The following LRRC4C variants were observed in gnomAD, a reference collection of about 807,000 sequenced individuals.
The protein encoded by LRRC4C is leucine-rich repeat-containing protein 4C.
LRRC4C carries 5 observed loss-of-function variants against 33.6 expected under a neutral mutation model. The observed-to-expected ratio is 0.15, with a 90% CI of 0.08 to 0.31. The LOEUF is 0.31. LRRC4C is among the 10% of genes least tolerant of loss of function. The pLI is 1.00. For synonymous variants in LRRC4C, 329 were observed against 302.0 expected (o/e 1.09, Z -0.93); for missense variants, 560 against 796.7 (o/e 0.70, Z 3.58).
At chr11:40,889,272 C>T (rs972580318) in intron 2 of LRRC4C, among the ~76,000 whole-genome samples, 6 of 152,020 alleles carry the variant, frequency 3.9e-5, no homozygotes, top group African/African-American at 1.4e-4. Context: ...GAAAGATGCT[C>T]ATAATATACT....
At chr11:41,314,725 G>A (rs963157140) in intron 1 of LRRC4C, among the ~76,000 whole-genome samples, 14 of 151,754 alleles carry the variant, frequency 9.2e-5, no homozygotes, top group African/African-American at 3.4e-4. Flanking sequence ...TGCAGCAAAC[G>A]AACAGGGCAC....
At chr11:40,740,139 C>A (rs1228938252) in intron 2 of LRRC4C, among the ~76,000 whole-genome samples, 1 of 151,802 alleles carries the variant, frequency 6.6e-6, no homozygotes, top group African/African-American at 2.4e-5. Context: ...GCATATATTT[C>A]TTCAACATAC....
At chr11:41,383,633 G>T (rs961674646) in intron 1 of LRRC4C, among the ~76,000 whole-genome samples, 1 of 151,536 alleles carries the variant, frequency 6.6e-6, no homozygotes, top group East Asian at 1.9e-4. Flanking sequence ...TAATCAAAAA[G>T]AAAATATATT....
At chr11:40,203,880 T>C (rs1862948528) in intron 5 of LRRC4C, among the ~76,000 whole-genome samples, 1 of 152,214 alleles carries the variant, frequency 6.6e-6, no homozygotes, top group Non-Finnish European at 1.5e-5. Flanking sequence ...TTAGCTAAAG[T>C]GCAGACACAG....
chr11:41,443,188 G>T (rs1204899158), intron 1 of LRRC4C, among the ~76,000 whole-genome samples: 1 of 149,284 alleles, frequency 6.7e-6, no homozygotes, highest in Non-Finnish European at 1.5e-5. Context: ...ATTAACGAAG[G>T]CTTAGAAGAA....
intron 5 of LRRC4C, among the ~76,000 whole-genome samples, chr11:40,179,451 G>A (rs183970054): frequency 4.9e-4 from 74 of 152,218 alleles, no homozygotes; most frequent in African/African-American, 1.2e-3. Flanking sequence ...GTCCACCACC[G>A]GAGGCCACAG....
intron 5 of LRRC4C, among the ~76,000 whole-genome samples, chr11:40,227,971 T>A (rs1340396362): frequency 6.6e-6 from 1 of 152,188 alleles, no homozygotes; most frequent in African/African-American, 2.4e-5. Context: ...TGACAGTTTA[T>A]GATTGCTGGT....
At position 41,459,425 on chromosome 11, in the gene LRRC4C, A is replaced by T. The variant is rs1956268528; in HGVS notation, c.-496+6T>A. 6.6e-6 allele frequency: 1 copy of T among 152,170 alleles called. No individual in the cohort carries two copies. The highest frequency in any genetic ancestry group is 6.5e-5 in the Admixed American group (1 of 15,268). The allele number at this position is 152,170 out of a possible 1,614,324, so 9.4% of individuals were successfully genotyped here. A position where few individuals can be genotyped will look rare whatever the true frequency, so the allele number is the denominator to read the frequency against. ...GAACTGAGATCTGAGGAGTCCCGTG[A>T]CTTACCTTCTTTATGGATCCTCAAA... On this transcript the variant is annotated splice_donor_region_variant and intron_variant, in intron 1 of 6. Transcript: ENST00000528697.
At chr11:41,090,162 T>C (rs554320529) in intron 1 of LRRC4C, among the ~76,000 whole-genome samples, 5 of 152,168 alleles carry the variant, frequency 3.3e-5, no homozygotes, top group Admixed American at 6.6e-5. Flanking sequence ...TATCATTAAG[T>C]GAAAAGTCAG....
At chr11:41,397,034 A>G (rs1953845577) in intron 1 of LRRC4C, among the ~76,000 whole-genome samples, 1 of 152,006 alleles carries the variant, frequency 6.6e-6, no homozygotes. Flanking sequence ...TTAAAGAACA[A>G]AGACACAGGG....
At chr11:40,631,022 G>T (rs1211290940) in intron 3 of LRRC4C, among the ~76,000 whole-genome samples, 1 of 152,238 alleles carries the variant, frequency 6.6e-6, no homozygotes, top group East Asian at 1.9e-4. Context: ...ATCAAAGTTA[G>T]CCCTTTTAAA....
chr11:40,699,393 T>G (rs1265776488), intron 2 of LRRC4C, among the ~76,000 whole-genome samples: 2 of 152,192 alleles, frequency 1.3e-5, no homozygotes, highest in South Asian at 4.1e-4. Context: ...CCTACTATTT[T>G]TTAAAAATCA....
intron 2 of LRRC4C, among the ~76,000 whole-genome samples, chr11:40,655,543 T>C (rs1331942777): frequency 6.6e-6 from 1 of 152,112 alleles, no homozygotes; most frequent in Non-Finnish European, 1.5e-5. Flanking sequence ...TGGTAAAAGT[T>C]TTGCAAACCA....
At chr11:41,437,421 G>GCACACACACACACA (rs138502307) in intron 1 of LRRC4C, among the ~76,000 whole-genome samples, 58 of 145,076 alleles carry the variant, frequency 4.0e-4, no homozygotes, top group African/African-American at 1.5e-3. Flanking sequence ...ACGCGCGCGC[G>GCACACACACACACA]CGCGCACACA....
intron 2 of LRRC4C, among the ~76,000 whole-genome samples, chr11:40,653,537 A>C (rs1305847531): frequency 7.2e-5 from 11 of 152,228 alleles, no homozygotes; most frequent in Admixed American, 7.2e-4. Context: ...TAAGCAACAA[A>C]GCATTCAAGA....
At chr11:40,721,344 A>G (rs1947004247) in intron 2 of LRRC4C, among the ~76,000 whole-genome samples, 1 of 152,206 alleles carries the variant, frequency 6.6e-6, no homozygotes, top group African/African-American at 2.4e-5. Flanking sequence ...AGCCATTGCA[A>G]ACTTGGAAGC....
At chr11:40,937,032 C>T (rs1423215675) in intron 1 of LRRC4C, among the ~76,000 whole-genome samples, 1 of 152,176 alleles carries the variant, frequency 6.6e-6, no homozygotes, top group Admixed American at 6.6e-5. Flanking sequence ...TCATTCTGTG[C>T]TATTTGCAAT....
chr11:40,408,354 C>A (rs1412277353), intron 3 of LRRC4C, among the ~76,000 whole-genome samples: 1 of 151,758 alleles, frequency 6.6e-6, no homozygotes. Flanking sequence ...GTATAAAAAC[C>A]GTTTTTTGGA....
intron 1 of LRRC4C, among the ~76,000 whole-genome samples, chr11:41,443,089 A>ATTTTTTTTTTTTTTTTTTTTTTT: frequency 9.4e-6 from 1 of 105,994 alleles, no homozygotes; most frequent in Non-Finnish European, 1.8e-5. Flanking sequence ...TGTTTGCTTC[A>ATTTTTTTTTTTTTTTTTTTTTTT]TTTTTTTTTT....
Sources: allele counts gnomAD v4.1 joint callset (sites outside exome capture counted in the v4.1 genomes callset), GRCh38; gene constraint gnomAD v4.1.1; transcripts MANE v1.5; gene names NCBI Gene and HGNC (gene_info 2026-07-23, HGNC 2026-07-21).